Variants in OSBPL3 observed in about 807,000 individuals in gnomAD.
The protein encoded by OSBPL3 is oxysterol-binding protein-related protein 3.
Under a neutral mutation model 120.1 loss-of-function variants are expected in OSBPL3, and 65 were observed. The observed-to-expected ratio is 0.54, with a 90% CI of 0.44 to 0.67. OSBPL3 has a LOEUF of 0.67. Ranked by LOEUF, OSBPL3 falls within the 30% of genes least tolerant of loss-of-function variation. OSBPL3 has a pLI of 0.00. For missense variants in OSBPL3, 1,004 were observed against 1,082.1 expected (o/e 0.93, Z 1.01); for synonymous variants, 416 against 402.6 (o/e 1.03, Z -0.40).
intron 22 of OSBPL3, 112 bp from the exon 23 acceptor site, chr7:24,800,391 A>G: frequency 1.7e-6 from 1 of 603,220 alleles, no homozygotes. Context: ...ACATGCATTC[A>G]GCGTCCCAGA....
Position 24,863,795 on chromosome 7 carries a change from C to A in OSBPL3, c.674-196G>T, listed in dbSNP as rs762261247. Among the ~76,000 whole-genome samples, 1 of 152,122 alleles carries A rather than the reference C, an allele frequency of 6.6e-6. No individual in the cohort carries two copies. Among genetic ancestry groups the A allele is most frequent in the Non-Finnish European group, 1.5e-5 (1 of 68,032 alleles). Reference sequence around the variant, plus strand: ...GGTTAAGGGCATGAATCTTGAGAACCAGGCTGCTTCAGTTTGAATCCACTT... The same window carrying A: ...GGTTAAGGGCATGAATCTTGAGAACAAGGCTGCTTCAGTTTGAATCCACTT... On this transcript the variant is annotated intron_variant, in intron 7 of 22. Transcript: ENST00000313367. The surrounding 1 kb of genome is among the most constrained non-coding windows in gnomAD (Gnocchi z 5.8).
At chr7:24,800,937 C>CTTTTT (rs56365128) in intron 22 of OSBPL3, among the ~76,000 whole-genome samples, 2 of 138,800 alleles carry the variant, frequency 1.4e-5, no homozygotes, top group Admixed American at 1.5e-4. Flanking sequence ...AAGTGGTTAA[C>CTTTTT]TTTTTTTTTT....
In OSBPL3 at chr7:24,879,582, TC is replaced by T. The variant is rs1166163027; in HGVS notation, c.97-7514del. On this transcript the variant is annotated intron_variant, in intron 2 of 22. Coordinates refer to ENST00000313367, the MANE Select transcript of OSBPL3 (RefSeq NM_015550.4). This position sits in a 1 kb window ranked among gnomAD's most constrained non-coding sequence, Gnocchi z 5.6. ...AGATAATGGGAGAATATTCATGCTG[TC>T]TTTGTGGTGAACCCTTGAGAAAGGG... Among the ~76,000 whole-genome samples, 5 of 152,176 alleles carry T rather than the reference TC, an allele frequency of 3.3e-5. No individual in the cohort carries two copies. Among genetic ancestry groups the T allele is most frequent in the Non-Finnish European group, 1.5e-5 (1 of 68,028 alleles).
chr7:24,952,896 G>A lies in OSBPL3; in HGVS notation c.-150+26990C>T, dbSNP rs371240451. Among the ~76,000 whole-genome samples, 1 of 152,102 alleles carries A rather than the reference G, an allele frequency of 6.6e-6. No homozygotes were observed. The highest frequency in any genetic ancestry group is 6.5e-5 in the Admixed American group (1 of 15,274). On this transcript the variant is annotated intron_variant, in intron 1 of 22. Coordinates refer to ENST00000313367, the MANE Select transcript of OSBPL3 (RefSeq NM_015550.4). The surrounding 1 kb of genome is among the most constrained non-coding windows in gnomAD (Gnocchi z 4.4). ...AATGCCTGTAATCTCAGCACTTTAG[G>A]GGGCAGAGGTGGTAGGATCCCTGGA... is the stretch of plus-strand genomic sequence containing the variant.
chr7:24,872,209 A>G lies in OSBPL3; in HGVS notation c.97-140T>C, dbSNP rs1802222958. 2 of 642,760 alleles carry G rather than the reference A, an allele frequency of 3.1e-6. No homozygotes were observed. The highest frequency in any genetic ancestry group is 5.4e-5 in the East Asian group (2 of 36,950). The allele number at this position is 642,760 out of a possible 1,614,324, so 39.8% of individuals were successfully genotyped here. On this transcript the variant is annotated intron_variant, in intron 2 of 22. Coordinates refer to ENST00000313367, the MANE Select transcript of OSBPL3 (RefSeq NM_015550.4). The surrounding 1 kb of genome is among the most constrained non-coding windows in gnomAD (Gnocchi z 4.1). ...GTTGGGGAGAAGAAATCCAAATTTA[A>G]TTTCCATACAGTCCCTGGGCTTCAC... is the stretch of plus-strand genomic sequence containing the variant.
chr7:24,925,949 T>G (rs1401267774), intron 1 of OSBPL3, among the ~76,000 whole-genome samples: 1 of 152,254 alleles, frequency 6.6e-6, no homozygotes, highest in East Asian at 1.9e-4. Flanking sequence ...ATATAAAGTT[T>G]ATCTTGTTTC....
rs1584434073 is a variant in OSBPL3, at chr7:24,866,324, A to AAAAAGAGGCCAC, written c.382-88_382-87insGTGGCCTCTTTT. The AAAAAGAGGCCAC allele has an allele frequency of 4.0e-6, 4 of 1,011,562 alleles. No homozygotes were observed. The East Asian group carries it at 9.6e-5, about 24-fold the overall frequency. The allele number at this position is 1,011,562 out of a possible 1,614,324, so 62.7% of individuals were successfully genotyped here. A position where few individuals can be genotyped will look rare whatever the true frequency, so the allele number is the denominator to read the frequency against. Reference sequence around the variant, plus strand: ...TCATCAAATTGAGGCCACTCTCAAAATCCTCTTTTTCAGTTGGCACGTAAT... The same window carrying AAAAAGAGGCCAC: ...TCATCAAATTGAGGCCACTCTCAAAAAAAAGAGGCCACTCCTCTTTTTCAGTTGGCACGTAAT... On this transcript the variant is annotated intron_variant, in intron 5 of 22. Transcript: ENST00000313367.
chr7:24,804,307 G>A lies in OSBPL3; in HGVS notation c.2567+8C>T. The A allele has an allele frequency of 6.2e-7, 1 of 1,614,040 alleles. No homozygotes were observed. Among genetic ancestry groups the A allele is most frequent in the Non-Finnish European group, 8.5e-7 (1 of 1,179,978 alleles). On this transcript the variant is annotated splice_region_variant and intron_variant, in intron 22 of 22. Transcript: ENST00000313367. This position sits in a 1 kb window ranked among gnomAD's most constrained non-coding sequence, Gnocchi z 5.4. ...TCAACCAAAAACCTACTCAATCCAG[G>A]CACGAACCTGAAAAACCGAGGCTGG... is the stretch of plus-strand genomic sequence containing the variant.
At chr7:24,927,998 T>C (rs1294397883) in intron 1 of OSBPL3, among the ~76,000 whole-genome samples, 1 of 152,132 alleles carries the variant, frequency 6.6e-6, no homozygotes, top group African/African-American at 2.4e-5. Flanking sequence ...GCTGTTCTCA[T>C]GATAGTGAGT....
Position 24,865,474 on chromosome 7 carries a change from C to G in OSBPL3, c.550-9G>C. The G allele has an allele frequency of 6.2e-7, 1 of 1,612,390 alleles. No individual in the cohort carries two copies. The highest frequency in any genetic ancestry group is 8.5e-7 in the Non-Finnish European group (1 of 1,179,144). ...TTTGATATACTGCTACGCTGTTCCA[C>G]GGATGACAAAAGCACATTGTAAATG... On this transcript the variant is annotated splice_polypyrimidine_tract_variant and intron_variant, in intron 6 of 22. Coordinates refer to ENST00000313367, the MANE Select transcript of OSBPL3 (RefSeq NM_015550.4).
At chr7:24,888,209 C>A (rs1453127816) in intron 2 of OSBPL3, among the ~76,000 whole-genome samples, 1 of 152,036 alleles carries the variant, frequency 6.6e-6, no homozygotes, top group Non-Finnish European at 1.5e-5. Context: ...ACAAATAAGA[C>A]TTGAAGGTCA....
chr7:24,874,158 G>A (rs775591689), intron 2 of OSBPL3, among the ~76,000 whole-genome samples: 5 of 152,292 alleles, frequency 3.3e-5, no homozygotes, highest in South Asian at 2.1e-4. Flanking sequence ...ATAAATTAGC[G>A]TGCATTTGAA....
chr7:24,842,955 T>C (rs1244139597), intron 12 of OSBPL3, among the ~76,000 whole-genome samples: 1 of 152,246 alleles, frequency 6.6e-6, no homozygotes. Context: ...CATGGATGAA[T>C]GATGTAAGTT....
chr7:24,886,605 A>G (rs1460226966), intron 2 of OSBPL3, among the ~76,000 whole-genome samples: 1 of 152,218 alleles, frequency 6.6e-6, no homozygotes. Flanking sequence ...GACGATTTGT[A>G]TCTTCTACAT....
Position 24,883,544 on chromosome 7 carries a change from C to T in OSBPL3, c.96+8833G>A, listed in dbSNP as rs1398099265. On this transcript the variant is annotated intron_variant, in intron 2 of 22. Transcript: ENST00000313367. The surrounding 1 kb of genome is among the most constrained non-coding windows in gnomAD (Gnocchi z 5.4). The stretch of plus-strand genomic sequence containing the variant: ...TCTGCCTTCCTGTATCTTAAATGTG[C>T]CCACTGCCAACCATGAATAAATATA... 6.6e-6 allele frequency among the ~76,000 whole-genome samples: 1 copy of T among 152,110 alleles called. No individual in the cohort carries two copies. The highest frequency in any genetic ancestry group is 6.5e-5 in the Admixed American group (1 of 15,274).
Position 24,979,906 on chromosome 7 carries a change from G to A in OSBPL3, c.-170C>T, listed in dbSNP as rs1818091063. On this transcript the variant is annotated 5_prime_UTR_variant, in exon 1 of 23. Coordinates refer to ENST00000313367, the MANE Select transcript of OSBPL3 (RefSeq NM_015550.4). Reference sequence around the variant, plus strand: ...CTCACCTGAGCGCTGTGCAGCCGGAGACGCTCCCTAGTTCCCCGGGGCCGG... The same window carrying A: ...CTCACCTGAGCGCTGTGCAGCCGGAAACGCTCCCTAGTTCCCCGGGGCCGG... 2.1e-6 allele frequency: 2 copies of A among 965,040 alleles called. No homozygotes were observed. The highest frequency in any genetic ancestry group is 2.4e-6 in the Non-Finnish European group (2 of 819,780). The allele number at this position is 965,040 out of a possible 1,614,324, so 59.8% of individuals were successfully genotyped here. A position where few individuals can be genotyped will look rare whatever the true frequency, so the allele number is the denominator to read the frequency against.
In OSBPL3 at chr7:24,822,921, T is replaced by C. The variant is rs1370694252; in HGVS notation, c.1885-2683A>G. ...ATAAGTCTCAACCTTCAAATATCAG[T>C]AACTTTGCTTATTTCTTTATGGCTT... On this transcript the variant is annotated intron_variant, in intron 16 of 22. Coordinates refer to ENST00000313367, the MANE Select transcript of OSBPL3 (RefSeq NM_015550.4). The surrounding 1 kb of genome is among the most constrained non-coding windows in gnomAD (Gnocchi z 5.8). 6.6e-6 allele frequency among the ~76,000 whole-genome samples: 1 copy of C among 152,252 alleles called. No individual in the cohort carries two copies. Among genetic ancestry groups the C allele is most frequent in the Non-Finnish European group, 1.5e-5 (1 of 68,046 alleles).
intron 1 of OSBPL3, among the ~76,000 whole-genome samples, chr7:24,963,887 G>C (rs1196410939): frequency 2.0e-5 from 3 of 151,910 alleles, no homozygotes; most frequent in African/African-American, 7.3e-5. Flanking sequence ...TCTAGAGGAG[G>C]GACAAGGACT....
intron 2 of OSBPL3, among the ~76,000 whole-genome samples, chr7:24,885,911 G>C (rs1804461161): frequency 6.6e-6 from 1 of 152,162 alleles, no homozygotes; most frequent in Non-Finnish European, 1.5e-5. Context: ...TCTGGAATGT[G>C]TTACTTTGAA....
Sources: gnomAD v4.1 joint callset for allele counts (sites outside exome capture counted in the v4.1 genomes callset) on GRCh38, gnomAD v4.1.1 for gene constraint, Gnocchi (gnomAD v3.1) non-coding constraint, MANE v1.5 for transcripts, NCBI Gene and HGNC (gene_info 2026-07-23, HGNC 2026-07-21) for gene names.